Variants in TRHDE observed in about 807,000 individuals in gnomAD.
TRHDE encodes the protein thyrotropin-releasing hormone-degrading ectoenzyme.
TRHDE carries 72 observed loss-of-function variants against 125.7 expected under a neutral mutation model. The observed-to-expected ratio is 0.57, with a 90% CI of 0.47 to 0.70. The LOEUF is 0.70. Ranked by LOEUF, TRHDE falls within the 30% of genes least tolerant of loss-of-function variation. TRHDE has a pLI of 0.00. For missense variants in TRHDE, 1,110 were observed against 1,327.1 expected (o/e 0.84, Z 2.54); for synonymous variants, 509 against 509.1 (o/e 1.00, Z 0.00).
At chr12:72,152,933 C>T (rs1383684476) in intron 2 of TRHDE, among the ~76,000 whole-genome samples, 1 of 152,132 alleles carries the variant, frequency 6.6e-6, no homozygotes, top group Non-Finnish European at 1.5e-5. Context: ...GGAGGATTCC[C>T]TCTTTTTCTA....
At chr12:72,187,428 T>C (rs1877242158) in intron 2 of TRHDE, among the ~76,000 whole-genome samples, 1 of 138,116 alleles carries the variant, frequency 7.2e-6, no homozygotes, top group South Asian at 2.6e-4. Context: ...TCAGTCTGAC[T>C]GAGGCCCGAG....
At chr12:72,400,930 T>C (rs561120338) in intron 3 of TRHDE, among the ~76,000 whole-genome samples, 4 of 152,146 alleles carry the variant, frequency 2.6e-5, no homozygotes, top group Non-Finnish European at 5.9e-5. Flanking sequence ...CTATATTTTA[T>C]ATACAGTTAA....
At chr12:72,652,810 G>T (rs1874558272) in intron 16 of TRHDE, among the ~76,000 whole-genome samples, 1 of 151,548 alleles carries the variant, frequency 6.6e-6, no homozygotes. Context: ...GATTTTTTTA[G>T]AATTTAATGT....
intron 5 of TRHDE, among the ~76,000 whole-genome samples, chr12:72,487,040 C>T (rs1477366392): frequency 1.3e-5 from 2 of 151,790 alleles, no homozygotes; most frequent in African/African-American, 2.4e-5. Flanking sequence ...GCTTCAGCTG[C>T]AGACTAGAAC....
At chr12:72,483,804 A>G (rs1218945830) in intron 5 of TRHDE, among the ~76,000 whole-genome samples, 6 of 152,010 alleles carry the variant, frequency 3.9e-5, no homozygotes, top group Non-Finnish European at 7.4e-5. Flanking sequence ...TTATCTGACA[A>G]ATGTTAAGGT....
chr12:72,258,861 C>A (rs1878881259), intron 2 of TRHDE, among the ~76,000 whole-genome samples: 1 of 152,062 alleles, frequency 6.6e-6, no homozygotes. Flanking sequence ...TGATTATAAC[C>A]AGGTTATAAA....
intron 2 of TRHDE, 112 bp from the exon 3 acceptor site, chr12:72,377,883 C>A: frequency 1.4e-6 from 1 of 725,210 alleles, no homozygotes; most frequent in Admixed American, 3.6e-5. Flanking sequence ...GAACGAGAAT[C>A]CTGTTTAAGT....
intron 6 of TRHDE, among the ~76,000 whole-genome samples, chr12:72,504,957 T>A (rs1015883089): frequency 2.6e-5 from 4 of 152,174 alleles, no homozygotes; most frequent in Non-Finnish European, 4.4e-5. Flanking sequence ...TTAATAATTA[T>A]TCTGATTATT....
intron 5 of TRHDE, among the ~76,000 whole-genome samples, chr12:72,496,093 G>C (rs550082347): frequency 2.0e-5 from 3 of 152,174 alleles, no homozygotes; most frequent in South Asian, 4.2e-4. Flanking sequence ...CACTTATCAT[G>C]GTGGCCTTAA....
At chr12:72,538,282 AT>A (rs1008069869) in intron 6 of TRHDE, among the ~76,000 whole-genome samples, 1 of 151,888 alleles carries the variant, frequency 6.6e-6, no homozygotes, top group Non-Finnish European at 1.5e-5. Context: ...TCTCTTAGCT[AT>A]TATTTTCCTT....
chr12:72,561,100 T>C (rs150702955), intron 7 of TRHDE, among the ~76,000 whole-genome samples: 40 of 152,340 alleles, frequency 2.6e-4, no homozygotes, highest in African/African-American at 9.1e-4. Context: ...GCTAAGTTAG[T>C]GTTGGACATT....
At chr12:72,402,684 C>G (rs1324971411) in intron 3 of TRHDE, among the ~76,000 whole-genome samples, 1 of 152,182 alleles carries the variant, frequency 6.6e-6, no homozygotes, top group Non-Finnish European at 1.5e-5. Flanking sequence ...AGGATGTCAA[C>G]TTCTTTCTGC....
chr12:72,635,763 C>T (rs1176567593), intron 15 of TRHDE, among the ~76,000 whole-genome samples: 28 of 152,004 alleles, frequency 1.8e-4, no homozygotes, highest in African/African-American at 6.8e-4. Flanking sequence ...ATAGGGAATC[C>T]TTTCCCCATT....
At chr12:72,141,880 T>C (rs375064005) in intron 2 of TRHDE, among the ~76,000 whole-genome samples, 29 of 152,264 alleles carry the variant, frequency 1.9e-4, no homozygotes, top group African/African-American at 7.0e-4. Context: ...AGGTGATGGT[T>C]TGGCAATTAT....
At chr12:72,420,033 C>A (rs760770135) in intron 3 of TRHDE, among the ~76,000 whole-genome samples, 30 of 152,146 alleles carry the variant, frequency 2.0e-4, no homozygotes, top group Non-Finnish European at 4.3e-4. Context: ...TTTTACAATA[C>A]ATTATTTCAA....
chr12:72,403,270 A>AGCTGAGTCTT (rs1873124061), intron 3 of TRHDE, among the ~76,000 whole-genome samples: 1 of 152,308 alleles, frequency 6.6e-6, no homozygotes, highest in East Asian at 1.9e-4. Context: ...TAAATCATTG[A>AGCTGAGTCTT]GCTGAGTCTT....
At chr12:72,360,872 G>A (rs1871041310) in intron 2 of TRHDE, among the ~76,000 whole-genome samples, 1 of 151,570 alleles carries the variant, frequency 6.6e-6, no homozygotes. Context: ...AGGATATGGA[G>A]GTTTGTTACA....
chr12:72,193,752 G>T (rs750782953), intron 2 of TRHDE, among the ~76,000 whole-genome samples: 5 of 152,114 alleles, frequency 3.3e-5, no homozygotes, highest in Non-Finnish European at 7.4e-5. Context: ...CAGTATGGTG[G>T]AGTTTAAAAA....
At chr12:72,377,866 A>C (rs1343660098) in intron 2 of TRHDE, 129 bp from the exon 3 acceptor site, 1 of 582,494 alleles carries the variant, frequency 1.7e-6, no homozygotes, top group Non-Finnish European at 2.7e-6. Flanking sequence ...GCTTTGATAT[A>C]GTGTATGAAC....
Sources: allele counts gnomAD v4.1 joint callset (sites outside exome capture counted in the v4.1 genomes callset), GRCh38; gene constraint gnomAD v4.1.1; transcripts MANE v1.5; gene names NCBI Gene and HGNC (gene_info 2026-07-23, HGNC 2026-07-21).